The following ZBTB7C variants were observed in gnomAD, a reference collection of about 807,000 sequenced individuals.
The protein encoded by ZBTB7C is zinc finger and BTB domain-containing protein 7C.
In ZBTB7C, 8 loss-of-function variants were observed where a neutral mutation model predicts 25.7. That is an observed-to-expected ratio of 0.31 (90% CI 0.18 to 0.56). The LOEUF (loss-of-function observed/expected upper bound fraction) is 0.56. ZBTB7C is among the 20% of genes least tolerant of loss of function. ZBTB7C has a pLI of 0.91. For synonymous variants in ZBTB7C, 394 were observed against 369.0 expected (o/e 1.07, Z -0.78); for missense variants, 824 against 855.2 (o/e 0.96, Z 0.46).
intron 3 of ZBTB7C, among the ~76,000 whole-genome samples, chr18:48,078,360 C>G (rs1393763140): frequency 6.6e-6 from 1 of 152,132 alleles, no homozygotes; most frequent in African/African-American, 2.4e-5. Context: ...GTGTGGCTGT[C>G]TGACTCTGCA....
intron 1 of ZBTB7C, among the ~76,000 whole-genome samples, chr18:48,377,954 C>G (rs2047559048): frequency 6.6e-6 from 1 of 152,110 alleles, no homozygotes; most frequent in Non-Finnish European, 1.5e-5. Context: ...GGCAGATCAC[C>G]TGAGGTCAGG....
At chr18:48,374,998 G>A (rs1478272297) in intron 1 of ZBTB7C, among the ~76,000 whole-genome samples, 1 of 152,176 alleles carries the variant, frequency 6.6e-6, no homozygotes, top group Non-Finnish European at 1.5e-5. Context: ...CTTTTATCTG[G>A]TATTTCTGGG....
chr18:48,177,680 A>G lies in ZBTB7C; in HGVS notation c.-17+8254T>C, dbSNP rs183539894. Among the ~76,000 whole-genome samples the G allele has an allele frequency of 1.2e-4, 18 of 152,178 alleles. No homozygotes were observed. The East Asian group carries it at 3.1e-3, about 26-fold the overall frequency. On this transcript the variant is annotated intron_variant, in intron 3 of 4. Coordinates refer to ENST00000590800, the MANE Select transcript of ZBTB7C (RefSeq NM_001318841.2). ...CTGGCCTGTTGAGAACCTGGGTCCA[A>G]GTTCTTGGGTCCAAGAACTTGGGGC...
intron 3 of ZBTB7C, among the ~76,000 whole-genome samples, chr18:48,182,336 T>A (rs1031165805): frequency 2.0e-5 from 3 of 152,096 alleles, no homozygotes; most frequent in Non-Finnish European, 4.4e-5. Flanking sequence ...GAAAAACATA[T>A]CTGCCAGGCC....
chr18:48,159,714 T>C (rs1301379944), intron 3 of ZBTB7C, among the ~76,000 whole-genome samples: 1 of 152,268 alleles, frequency 6.6e-6, no homozygotes, highest in African/African-American at 2.4e-5. Context: ...AAATTGGTAA[T>C]AGTAGCCTGA....
At position 48,115,707 on chromosome 18, in the gene ZBTB7C, A is replaced by G. The variant is rs77949933; in HGVS notation, c.-17+70227T>C. On this transcript the variant is annotated intron_variant, in intron 3 of 4. Coordinates refer to ENST00000590800, the MANE Select transcript of ZBTB7C (RefSeq NM_001318841.2). ...GTATCTGTTTGAATGCCCGTTTTCA[A>G]TCCTTTGGGGTATATATCTAGGAGT... Among the ~76,000 whole-genome samples the G allele has an allele frequency of 1.3e-3, 195 of 152,336 alleles. 4 individuals are homozygous for G. The East Asian group carries it at 0.035, about 27-fold the overall frequency.
intron 2 of ZBTB7C, among the ~76,000 whole-genome samples, chr18:48,247,494 C>T (rs2043726974): frequency 6.6e-6 from 1 of 152,180 alleles, no homozygotes; most frequent in Non-Finnish European, 1.5e-5. Context: ...CTGTTTCATG[C>T]CCTCTCAACT....
At chr18:48,117,756 A>G (rs554586000) in intron 3 of ZBTB7C, among the ~76,000 whole-genome samples, 135 of 152,130 alleles carry the variant, frequency 8.9e-4, no homozygotes, top group Non-Finnish European at 1.5e-3. Context: ...TGAGCTACTC[A>G]AGCAGAACGA....
chr18:48,283,808 C>T (rs1200206176), intron 2 of ZBTB7C, among the ~76,000 whole-genome samples: 4 of 152,118 alleles, frequency 2.6e-5, no homozygotes, highest in African/African-American at 9.7e-5. Flanking sequence ...GCTGAGCATG[C>T]TCTGAAGATG....
At chr18:48,326,785 T>C (rs558562323) in intron 2 of ZBTB7C, among the ~76,000 whole-genome samples, 2 of 152,278 alleles carry the variant, frequency 1.3e-5, no homozygotes, top group African/African-American at 4.8e-5. Flanking sequence ...ATAAACACTA[T>C]GGGGACAACA....
At chr18:48,232,124 C>A (rs2043271772) in intron 2 of ZBTB7C, among the ~76,000 whole-genome samples, 1 of 152,190 alleles carries the variant, frequency 6.6e-6, no homozygotes, top group Non-Finnish European at 1.5e-5. Context: ...GCCCAGGAGG[C>A]CTGAGCAAAA....
At chr18:48,158,199 T>C (rs1315640677) in intron 3 of ZBTB7C, among the ~76,000 whole-genome samples, 1 of 152,176 alleles carries the variant, frequency 6.6e-6, no homozygotes, top group Non-Finnish European at 1.5e-5. Context: ...TTTTTCTCTT[T>C]GCTTTTGGTG....
intron 1 of ZBTB7C, among the ~76,000 whole-genome samples, chr18:48,346,015 C>G (rs1178193523): frequency 6.6e-6 from 1 of 152,224 alleles, no homozygotes; most frequent in Non-Finnish European, 1.5e-5. Context: ...CAACGATTTT[C>G]TAGACAACTG....
rs768320795 is a variant in ZBTB7C, at chr18:48,040,876, C to T, written c.232G>A (p.Asp78Asn). ...GCCAGAGCCTCAGGCTGGACAAAGT[C>T]GATCTCATAGACGTAGGGCTGGCTG... ...LASQPYVYEI[D>N]FVQPEALAAI... is the part of the protein sequence containing the mutation. The change falls in exon 4 of 5, where the codon GAC (aspartate) becomes AAC (asparagine). Residue 78 changes from aspartate to asparagine, a missense_variant. Around this residue, in one of 4 missense-constraint regions of ZBTB7C, gnomAD observed 117 missense variants for 167.7 expected, o/e 0.70. Transcript: ENST00000590800. 8.1e-6 allele frequency: 13 copies of T among 1,614,088 alleles called. No homozygotes were observed. The highest frequency in any genetic ancestry group is 2.2e-5 in the East Asian group (1 of 44,860).
intron 2 of ZBTB7C, among the ~76,000 whole-genome samples, chr18:48,202,648 G>A (rs1373435589): frequency 1.3e-5 from 2 of 152,032 alleles, no homozygotes; most frequent in Non-Finnish European, 2.9e-5. Context: ...ATGGGTGTAC[G>A]GGGGAAGCTC....
intron 2 of ZBTB7C, among the ~76,000 whole-genome samples, chr18:48,245,402 C>T (rs187190254): frequency 6.7e-6 from 1 of 150,346 alleles, no homozygotes; most frequent in Admixed American, 6.6e-5. Flanking sequence ...GCACCAAAAT[C>T]TCAGAAATCA....
At chr18:48,356,129 T>C (rs1036164187) in intron 1 of ZBTB7C, among the ~76,000 whole-genome samples, 2 of 152,196 alleles carry the variant, frequency 1.3e-5, no homozygotes, top group African/African-American at 4.8e-5. Flanking sequence ...CACTGAGTTA[T>C]AGGATCCTCA....
chr18:48,146,615 G>A (rs1044895911), intron 3 of ZBTB7C, among the ~76,000 whole-genome samples: 3 of 152,050 alleles, frequency 2.0e-5, no homozygotes, highest in Admixed American at 6.6e-5. Flanking sequence ...CACTCTAAAC[G>A]AAATCTTGAT....
chr18:48,288,463 C>T (rs2045122698), intron 2 of ZBTB7C, among the ~76,000 whole-genome samples: 1 of 145,910 alleles, frequency 6.9e-6, no homozygotes, highest in Non-Finnish European at 1.5e-5. Flanking sequence ...GCCTGGCCAA[C>T]ATGGTGAAAT....
Sources: allele counts gnomAD v4.1 joint callset (sites outside exome capture counted in the v4.1 genomes callset), GRCh38; gene constraint gnomAD v4.1.1; regional missense constraint gnomAD v4.1.1; transcripts MANE v1.5; gene names NCBI Gene and HGNC (gene_info 2026-07-23, HGNC 2026-07-21).